UVRAG: variants seen among roughly 807,000 people sequenced by gnomAD.
UVRAG encodes the protein UV radiation resistance-associated gene protein.
In UVRAG, 19 loss-of-function variants were observed where a neutral mutation model predicts 78.0. The observed-to-expected ratio is 0.24, with a 90% confidence interval of 0.17 to 0.36. The LOEUF (loss-of-function observed/expected upper bound fraction) is 0.36. UVRAG is among the 10% of genes least tolerant of loss of function. UVRAG has a pLI of 1.00. For synonymous variants in UVRAG, 323 were observed against 324.6 expected (o/e 1.00, Z 0.05); for missense variants, 740 against 853.8 (o/e 0.87, Z 1.66).
intron 1 of UVRAG, among the ~76,000 whole-genome samples, chr11:75,827,306 T>C (rs1470677051): frequency 6.6e-6 from 1 of 152,030 alleles, no homozygotes; most frequent in African/African-American, 2.4e-5. Context: ...GTGTTCATAT[T>C]AGCGTATGTT....
At chr11:75,886,643 T>C (rs902351847) in intron 4 of UVRAG, among the ~76,000 whole-genome samples, 1 of 152,198 alleles carries the variant, frequency 6.6e-6, no homozygotes, top group Non-Finnish European at 1.5e-5. Flanking sequence ...GTTCAGTAAA[T>C]GATGTGGATA....
intron 1 of UVRAG, 37 bp downstream of exon 1, chr11:75,815,561 C>G: frequency 8.4e-7 from 1 of 1,184,276 alleles, no homozygotes; most frequent in South Asian, 4.2e-5. Flanking sequence ...GGGAGGGACC[C>G]GGGCAGGCCC....
At chr11:75,828,782 TATATATATATATATATATATATA>T (rs1945587649) in intron 1 of UVRAG, among the ~76,000 whole-genome samples, 1 of 72,584 alleles carries the variant, frequency 1.4e-5, no homozygotes, top group African/African-American at 6.1e-5. Context: ...TATACACACA[TATATATATATATATATATATATA>T]TTTTTTTTTT....
At chr11:75,879,824 A>G in intron 3 of UVRAG, 55 bp from the exon 4 acceptor site, 1 of 1,568,234 alleles carries the variant, frequency 6.4e-7, no homozygotes, top group South Asian at 1.2e-5. Context: ...ACCTAATTGA[A>G]ATAATCGTAA....
chr11:75,992,848 A>G (rs191815684), intron 8 of UVRAG, among the ~76,000 whole-genome samples: 2 of 152,334 alleles, frequency 1.3e-5, no homozygotes, highest in South Asian at 2.1e-4. Context: ...TATTTGCTCA[A>G]CGAAGGTGAA....
intron 2 of UVRAG, among the ~76,000 whole-genome samples, chr11:75,860,058 C>T (rs1946384300): frequency 6.6e-6 from 1 of 152,254 alleles, no homozygotes; most frequent in Admixed American, 6.5e-5. Context: ...GATTGTACTG[C>T]CTCAGCCTCC....
At chr11:76,073,376 A>G (rs992080282) in intron 13 of UVRAG, among the ~76,000 whole-genome samples, 2 of 152,140 alleles carry the variant, frequency 1.3e-5, no homozygotes, top group Non-Finnish European at 2.9e-5. Flanking sequence ...TTTGGCAAAC[A>G]TTTTCTCAAA....
At chr11:75,824,975 G>C (rs1342843900) in intron 1 of UVRAG, among the ~76,000 whole-genome samples, 1 of 151,710 alleles carries the variant, frequency 6.6e-6, no homozygotes, top group Non-Finnish European at 1.5e-5. Flanking sequence ...GCCCGGCCAA[G>C]TTTGTCATTT....
intron 13 of UVRAG, among the ~76,000 whole-genome samples, chr11:76,067,426 A>G (rs1157040497): frequency 1.3e-5 from 2 of 152,188 alleles, no homozygotes; most frequent in East Asian, 1.9e-4. Context: ...CTGTCATGCC[A>G]TGGAAAAGGC....
chr11:75,828,754 CATAT>C (rs776673600), intron 1 of UVRAG, among the ~76,000 whole-genome samples: 110 of 78,374 alleles, frequency 1.4e-3, no homozygotes, highest in East Asian at 5.4e-3. Flanking sequence ...TATACACACA[CATAT>C]ATATATATAT....
intron 12 of UVRAG, among the ~76,000 whole-genome samples, chr11:76,032,092 A>G (rs1950448143): frequency 6.6e-6 from 1 of 152,330 alleles, no homozygotes; most frequent in Non-Finnish European, 1.5e-5. Flanking sequence ...ATTTGGGGGA[A>G]TATTTTGGTT....
intron 6 of UVRAG, among the ~76,000 whole-genome samples, chr11:75,921,865 A>C (rs148596730): frequency 6.6e-6 from 1 of 151,988 alleles, no homozygotes; most frequent in Non-Finnish European, 1.5e-5. Flanking sequence ...ATATACTGGG[A>C]TCTATTTCTG....
chr11:75,853,228 T>C (rs987348346), intron 2 of UVRAG, among the ~76,000 whole-genome samples: 4 of 151,264 alleles, frequency 2.6e-5, no homozygotes, highest in African/African-American at 9.8e-5. Flanking sequence ...TTAGTTTTAA[T>C]GATTATTTAA....
intron 13 of UVRAG, among the ~76,000 whole-genome samples, chr11:76,076,187 A>G (rs2134401162): frequency 6.6e-6 from 1 of 152,306 alleles, no homozygotes; most frequent in East Asian, 1.9e-4. Context: ...AAGTGGCAAC[A>G]CCATTTTACA....
At chr11:76,093,048 A>G (rs1216437270) in intron 13 of UVRAG, among the ~76,000 whole-genome samples, 1 of 152,182 alleles carries the variant, frequency 6.6e-6, no homozygotes, top group Non-Finnish European at 1.5e-5. Context: ...TCAGCTTTCT[A>G]CGTATGGCTA....
chr11:75,928,921 G>T (rs1027326338), intron 6 of UVRAG, among the ~76,000 whole-genome samples: 2 of 104,806 alleles, frequency 1.9e-5, no homozygotes, highest in Non-Finnish European at 3.4e-5. Context: ...CAGCCTGGGC[G>T]ACAGAGCGAG....
chr11:75,820,079 T>C (rs1945352032), intron 1 of UVRAG, among the ~76,000 whole-genome samples: 2 of 152,140 alleles, frequency 1.3e-5, no homozygotes, highest in Admixed American at 6.6e-5. Context: ...TGGGATCAAG[T>C]GATTATCTTG....
intron 11 of UVRAG, among the ~76,000 whole-genome samples, chr11:76,010,840 A>G (rs1030512113): frequency 6.6e-6 from 1 of 152,164 alleles, no homozygotes; most frequent in Admixed American, 6.5e-5. Flanking sequence ...TAGAAGAGGT[A>G]GGAGAGGGCA....
At chr11:76,050,422 T>C (rs141000148) in intron 12 of UVRAG, among the ~76,000 whole-genome samples, 1 of 152,348 alleles carries the variant, frequency 6.6e-6, no homozygotes, top group African/African-American at 2.4e-5. Context: ...TGCAGATATT[T>C]GTTGAATACC....
Sources: allele counts gnomAD v4.1 joint callset (sites outside exome capture counted in the v4.1 genomes callset), GRCh38; gene constraint gnomAD v4.1.1; transcripts MANE v1.5; gene names NCBI Gene and HGNC (gene_info 2026-07-23, HGNC 2026-07-21).